COP1: variants seen among roughly 807,000 people sequenced by gnomAD.
COP1 encodes E3 ubiquitin-protein ligase COP1.
In COP1, 24 loss-of-function variants were observed where a neutral mutation model predicts 101.3. The ratio of observed to expected loss-of-function variants is 0.24; its 90% CI spans 0.17 to 0.33. The LOEUF (loss-of-function observed/expected upper bound fraction) is 0.33. Among genes scored for constraint, COP1 ranks in the 10% least tolerant of loss-of-function variants. The pLI is 1.00. For synonymous variants in COP1, 347 were observed against 341.9 expected, an observed-to-expected ratio of 1.01 and a Z score of -0.17; for missense variants, 663 against 906.2, an observed-to-expected ratio of 0.73 and a Z score of 3.45.
At chr1:175,976,721 G>A (rs1654686898) in intron 18 of COP1, among the ~76,000 whole-genome samples, 4 of 152,188 alleles carry the variant, frequency 2.6e-5, no homozygotes, top group Admixed American at 2.0e-4. Flanking sequence ...AGTATTAGTT[G>A]TGAAACTTAA....
intron 15 of COP1, among the ~76,000 whole-genome samples, chr1:176,007,653 C>CTCAGGGG (rs1276581061): frequency 5.9e-5 from 9 of 152,066 alleles, no homozygotes; most frequent in African/African-American, 2.2e-4. Context: ...AGTTAGGCTG[C>CTCAGGGG]TCAGGGGTCA....
At chr1:176,104,255 G>T (rs1480832661) in intron 9 of COP1, among the ~76,000 whole-genome samples, 8 of 151,844 alleles carry the variant, frequency 5.3e-5, no homozygotes, top group African/African-American at 1.9e-4. Context: ...AGAAACAAGG[G>T]GTTTCTCTAC....
intron 5 of COP1, among the ~76,000 whole-genome samples, chr1:176,151,353 A>AAAAAGAAAG (rs1553292718): frequency 2.6e-5 from 3 of 115,992 alleles, no homozygotes; most frequent in African/African-American, 3.6e-5. Context: ...GAAAGAAAGA[A>AAAAAGAAAG]AAAGAAAGAA....
intron 11 of COP1, among the ~76,000 whole-genome samples, chr1:176,048,381 G>C (rs1455556966): frequency 1.3e-5 from 2 of 151,772 alleles, no homozygotes; most frequent in African/African-American, 4.8e-5. Flanking sequence ...TCACTGACTA[G>C]GGCACAATTC....
intron 11 of COP1, among the ~76,000 whole-genome samples, chr1:176,047,596 C>T: frequency 6.6e-6 from 1 of 152,182 alleles, no homozygotes; most frequent in Non-Finnish European, 1.5e-5. Context: ...TGTGTTTCTT[C>T]TCTCAAAATG....
In COP1 at chr1:176,043,118, C is replaced by T. The variant is rs111358951; in HGVS notation, c.1612+68G>A. On this transcript the variant is annotated intron_variant, in intron 14 of 19. Transcript: ENST00000367669. ...TTTGAGTAAATATTTGTATTTCTGC[C>T]GATGAAAGGAATTACAGTTAAGAGG... 7.6e-4 allele frequency: 666 copies of T among 877,850 alleles called. 4 individuals are homozygous for T. The African/African-American group carries it at 9.7e-3, about 13-fold the overall frequency. The allele number at this position is 877,850 out of a possible 1,614,324, so 54.4% of individuals were successfully genotyped here. A position where few individuals can be genotyped will look rare whatever the true frequency, so the allele number is the denominator to read the frequency against.
chr1:176,042,731 A>C (rs1670840861), intron 14 of COP1, among the ~76,000 whole-genome samples: 3 of 2,528 alleles, frequency 1.2e-3, no homozygotes, highest in Non-Finnish European at 2.9e-3. Flanking sequence ...ACTCTATCTC[A>C]AAAAAAAAAA....
Position 176,091,089 on chromosome 1 carries a change from A to C in COP1, c.1027-5199T>G, listed in dbSNP as rs564932631. ...AGCTAGAGCAAAAAGGACATCAATA[A>C]TCTTAAAAAAGTTGAGAGAAAAAAA... On this transcript the variant is annotated intron_variant, in intron 9 of 19. Coordinates refer to ENST00000367669, the MANE Select transcript of COP1 (RefSeq NM_022457.7). 3.3e-5 allele frequency among the ~76,000 whole-genome samples: 5 copies of C among 152,302 alleles called. No homozygotes were observed. In the South Asian group the frequency reaches 1.0e-3, roughly 32 times the overall value.
intron 15 of COP1, among the ~76,000 whole-genome samples, chr1:176,011,819 A>ATGTGC (rs1253705737): frequency 6.6e-6 from 1 of 152,234 alleles, no homozygotes; most frequent in Non-Finnish European, 1.5e-5. Flanking sequence ...CCTATTAGTA[A>ATGTGC]CTTTGTACAC....
intron 18 of COP1, among the ~76,000 whole-genome samples, chr1:175,963,708 C>A: frequency 6.6e-6 from 1 of 152,106 alleles, no homozygotes; most frequent in Admixed American, 6.5e-5. Flanking sequence ...CCCTTTATAT[C>A]TTTATGAAGC....
In COP1 at chr1:176,116,603, GCAAA is replaced by G. The variant is rs1415590421; in HGVS notation, c.1026+17_1026+20del. 2 of 1,580,010 alleles carry G rather than the reference GCAAA, an allele frequency of 1.3e-6. No individual in the cohort carries two copies. The highest frequency in any genetic ancestry group is 3.4e-5 in the Admixed American group (2 of 58,822). ...TAATTATACTCATGGTATCATTAAA[GCAAA>G]CAAAGATATCGTTTACCTGAGAACT... On this transcript the variant is annotated intron_variant, in intron 9 of 19. Transcript: ENST00000367669.
At chr1:176,069,864 T>C (rs1413065652) in intron 11 of COP1, among the ~76,000 whole-genome samples, 1 of 152,240 alleles carries the variant, frequency 6.6e-6, no homozygotes, top group Non-Finnish European at 1.5e-5. Context: ...CTTTCCCCTT[T>C]GGATTGCATG....
At chr1:176,059,846 T>G (rs1158056097) in intron 11 of COP1, among the ~76,000 whole-genome samples, 1 of 152,220 alleles carries the variant, frequency 6.6e-6, no homozygotes, top group African/African-American at 2.4e-5. Context: ...AGAATCTGAA[T>G]TTTCACATGT....
rs560084157 is a variant in COP1 at position 176,202,521 on chromosome 1, G to T, written c.407+4051C>A. ...TTAATAGTCTGAAAAACAGAGCCAC[G>T]TGTTTTTCAGACTATTAAAAATATC... On this transcript the variant is annotated intron_variant, in intron 1 of 19. Transcript: ENST00000367669. Among the ~76,000 whole-genome samples the T allele has an allele frequency of 2.6e-5, 4 of 151,910 alleles. No homozygotes were observed. The South Asian group carries it at 6.2e-4, about 24-fold the overall frequency.
intron 10 of COP1, among the ~76,000 whole-genome samples, chr1:176,082,624 T>A (rs552793520): frequency 1.3e-5 from 2 of 151,966 alleles, no homozygotes; most frequent in Non-Finnish European, 2.9e-5. Context: ...CTGACTAACA[T>A]GGAGAAACCC....
At chr1:176,098,425 G>C (rs1423270766) in intron 9 of COP1, among the ~76,000 whole-genome samples, 2 of 152,070 alleles carry the variant, frequency 1.3e-5, no homozygotes, top group Non-Finnish European at 1.5e-5. Flanking sequence ...TTCTGAATTA[G>C]ATAAGATAAA....
chr1:176,206,366 C>T, intron 1 of COP1: 1 of 575,028 alleles, frequency 1.7e-6, no homozygotes, highest in Non-Finnish European at 3.0e-6. Context: ...TTATCCCCAC[C>T]CTGCCTCGCT....
At chr1:176,086,327 G>C (rs953759935) in intron 9 of COP1, among the ~76,000 whole-genome samples, 1 of 148,722 alleles carries the variant, frequency 6.7e-6, no homozygotes, top group Non-Finnish European at 1.5e-5. Flanking sequence ...CCAGTTTCTC[G>C]ACATTCTCCT....
intron 15 of COP1, among the ~76,000 whole-genome samples, chr1:176,004,126 G>C (rs1047104144): frequency 2.0e-5 from 3 of 151,180 alleles, no homozygotes; most frequent in African/African-American, 4.9e-5. Context: ...GTGAATGGGA[G>C]TTCACTCATG....
Sources: allele counts gnomAD v4.1 joint callset (sites outside exome capture counted in the v4.1 genomes callset), GRCh38; gene constraint gnomAD v4.1.1; transcripts MANE v1.5; gene names NCBI Gene and HGNC (gene_info 2026-07-23, HGNC 2026-07-21).